Variants in PRDM15 observed in about 807,000 individuals in gnomAD.
PRDM15 encodes PR domain zinc finger protein 15.
A neutral mutation model predicts 128.6 loss-of-function variants in PRDM15; 64 were observed. That is an observed-to-expected ratio of 0.50 (90% CI 0.41 to 0.61). The LOEUF is 0.61. PRDM15 is among the 20% of genes least tolerant of loss of function. The pLI is 0.00. For synonymous variants in PRDM15, 615 were observed against 621.8 expected (o/e 0.99, Z 0.16); for missense variants, 1,242 against 1,569.1 (o/e 0.79, Z 3.52).
chr21:41,866,675 G>A (rs965301963), intron 1 of PRDM15, among the ~76,000 whole-genome samples: 2 of 152,198 alleles, frequency 1.3e-5, no homozygotes, highest in East Asian at 1.9e-4. Context: ...CAAACAAAAC[G>A]AAGTCCATTT....
intron 5 of PRDM15, among the ~76,000 whole-genome samples, chr21:41,850,999 A>C (rs116689093): frequency 8.8e-4 from 134 of 152,244 alleles, no homozygotes; most frequent in African/African-American, 2.9e-3. Context: ...GGCCACCACA[A>C]TAAGTAATTT....
At chr21:41,836,359 C>G in intron 9 of PRDM15, 109 bp downstream of exon 9, 1 of 1,335,180 alleles carries the variant, frequency 7.5e-7, no homozygotes, top group Admixed American at 2.0e-5. Flanking sequence ...CTCTCACTGG[C>G]GCAGCTCGTG....
At chr21:41,827,297 T>TA (rs955397694) in intron 12 of PRDM15, among the ~76,000 whole-genome samples, 8 of 152,316 alleles carry the variant, frequency 5.3e-5, no homozygotes, top group South Asian at 2.1e-4. Context: ...CTTGTTTTTT[T>TA]AAAAAAGGGA....
rs775208509 is a variant in PRDM15, at chr21:41,821,272, G to A, written c.1897-42C>T. ...CAGGGCACTGCTGACACCCGCATGA[G>A]GTCCCTGGTCCTCTTAGCTAATGAG... On this transcript the variant is annotated intron_variant, in intron 15 of 23. Coordinates refer to ENST00000398548, the MANE Select transcript of PRDM15 (RefSeq NM_001040424.3). The surrounding 1 kb of genome is among the most constrained non-coding windows in gnomAD (Gnocchi z 5.4). The A allele has an allele frequency of 9.9e-6, 16 of 1,610,596 alleles. No homozygotes were observed. The highest frequency in any genetic ancestry group is 1.1e-5 in the Non-Finnish European group (13 of 1,178,364).
At chr21:41,863,720 T>C (rs897858707) in intron 1 of PRDM15, among the ~76,000 whole-genome samples, 4 of 152,208 alleles carry the variant, frequency 2.6e-5, no homozygotes, top group African/African-American at 7.2e-5. Context: ...AGACTCAGTC[T>C]ACCTGACTTC....
chr21:41,834,024 A>G (rs1030890256), intron 11 of PRDM15, among the ~76,000 whole-genome samples: 4 of 152,222 alleles, frequency 2.6e-5, no homozygotes, highest in African/African-American at 9.6e-5. Context: ...GGAAGTCTTC[A>G]GGGGACTGTG....
chr21:41,834,482 C>A (rs542138058), intron 11 of PRDM15: 3 of 1,547,070 alleles, frequency 1.9e-6, no homozygotes, highest in East Asian at 2.4e-5. Flanking sequence ...CGGACAAGGA[C>A]GGGGTGGGCG....
At chr21:41,817,129 A>G (rs2062081282) in intron 18 of PRDM15, among the ~76,000 whole-genome samples, 1 of 152,230 alleles carries the variant, frequency 6.6e-6, no homozygotes, top group Non-Finnish European at 1.5e-5. Flanking sequence ...AACAGTTTCA[A>G]AATAAACACA....
chr21:41,810,758 T>C lies in PRDM15; in HGVS notation c.2471A>G (p.His824Arg), dbSNP rs1433673968. 1 of 1,613,748 alleles carries C rather than the reference T, an allele frequency of 6.2e-7. No individual in the cohort carries two copies. The change falls in exon 20 of 24, where the codon CAC becomes CGC. Residue 824 changes from histidine (H) to arginine (R), a missense_variant. By Grantham distance (29) the His-to-Arg change is conservative. Coordinates refer to ENST00000398548, the MANE Select transcript of PRDM15 (RefSeq NM_001040424.3). The surrounding 1 kb of genome is among the most constrained non-coding windows in gnomAD (Gnocchi z 6.4). ...RNTMETHKLI[H>R]TVGKQWTCSV... ...CTTCAGGCTGCGCCGCTCACCTGTG[T>C]GGATGAGCTTGTGGGTCTCCATGGT...
chr21:41,832,484 C>T lies in PRDM15; in HGVS notation c.1366+2953G>A, dbSNP rs954444505. On this transcript the variant is annotated intron_variant, in intron 11 of 23. Transcript: ENST00000398548. This position sits in a 1 kb window ranked among gnomAD's most constrained non-coding sequence, Gnocchi z 4.2. The stretch of plus-strand genomic sequence containing the variant: ...TGGCATCAGATCACCACAGGCCACA[C>T]CTTTACAGTGCTGTGGCAACGGATC... Among the ~76,000 whole-genome samples, 1 of 152,088 alleles carries T rather than the reference C, an allele frequency of 6.6e-6. No homozygotes were observed. Among genetic ancestry groups the T allele is most frequent in the African/African-American group, 2.4e-5 (1 of 41,408 alleles).
chr21:41,835,935 G>GCCCGC (rs2146574699), intron 10 of PRDM15, among the ~76,000 whole-genome samples, 178 bp downstream of exon 10: 1 of 26,538 alleles, frequency 3.8e-5, no homozygotes, highest in East Asian at 6.2e-4. Flanking sequence ...CCCCCACAGG[G>GCCCGC]TTTGGCCGCT....
At position 41,879,134 on chromosome 21, in the gene PRDM15, C is replaced by A. The variant is rs1353310927; in HGVS notation, c.-10+136G>T. 1 of 1,012,694 alleles carries A rather than the reference C, an allele frequency of 9.9e-7. No homozygotes were observed. Among genetic ancestry groups the A allele is most frequent in the Non-Finnish European group, 1.2e-6 (1 of 836,080 alleles). 62.7% of individuals were successfully genotyped at this position (1,012,694 alleles called of 1,614,324 possible). ...CGGCATGGCGGCTGGACCGGGGCGG[C>A]GCGCGGCTGCCGGGCGCGGGGGGCG... On this transcript the variant is annotated intron_variant, in intron 1 of 23. Transcript: ENST00000398548. This position sits in a 1 kb window ranked among gnomAD's most constrained non-coding sequence, Gnocchi z 5.1.
chr21:41,847,355 G>T (rs2063298633), intron 5 of PRDM15, among the ~76,000 whole-genome samples, 164 bp from the exon 6 acceptor site: 1 of 152,140 alleles, frequency 6.6e-6, no homozygotes, highest in South Asian at 2.1e-4. Context: ...ACCATTTTCA[G>T]AGCTTTACAC....
chr21:41,862,089 C>T lies in PRDM15; in HGVS notation c.-9-1717G>A. The T allele has an allele frequency of 3.0e-6, 3 of 1,003,284 alleles. No homozygotes were observed. The highest frequency in any genetic ancestry group is 3.1e-6 in the Non-Finnish European group (2 of 644,472). The allele number at this position is 1,003,284 out of a possible 1,614,324, so 62.1% of individuals were successfully genotyped here. A position where few individuals can be genotyped will look rare whatever the true frequency, so the allele number is the denominator to read the frequency against. On this transcript the variant is annotated intron_variant, in intron 1 of 23. Transcript: ENST00000398548. This position sits in a 1 kb window ranked among gnomAD's most constrained non-coding sequence, Gnocchi z 4.1. ...GGCAGTGAGCAGGAGATGAACAGGACAAAGGGCAGAAGAAACCCAGAGTGG... is the reference window on the plus strand; with the variant it reads ...GGCAGTGAGCAGGAGATGAACAGGATAAAGGGCAGAAGAAACCCAGAGTGG...
intron 1 of PRDM15, among the ~76,000 whole-genome samples, chr21:41,875,843 C>T (rs1321177508): frequency 6.6e-6 from 1 of 152,208 alleles, no homozygotes; most frequent in African/African-American, 2.4e-5. Flanking sequence ...CCGCAGTACA[C>T]TCGTGTGTAG....
intron 12 of PRDM15, among the ~76,000 whole-genome samples, chr21:41,826,703 G>A (rs530147677): frequency 6.6e-6 from 1 of 152,176 alleles, no homozygotes. Flanking sequence ...CTGGCCAGGT[G>A]TAAGTGCAGA....
chr21:41,866,951 C>T (rs1191362871), intron 1 of PRDM15, among the ~76,000 whole-genome samples: 1 of 152,144 alleles, frequency 6.6e-6, no homozygotes, highest in African/African-American at 2.4e-5. Flanking sequence ...CTTCTCAGTA[C>T]AAACAGGGAA....
rs748700445 is a variant in PRDM15 at position 41,801,255 on chromosome 21, C to A, written c.3411G>T (p.Gln1137His). 5.3e-6 allele frequency: 8 copies of A among 1,512,862 alleles called. No individual in the cohort carries two copies. Among genetic ancestry groups the A allele is most frequent in the South Asian group, 1.3e-5 (1 of 75,608 alleles). 93.7% of individuals were successfully genotyped at this position (1,512,862 alleles called of 1,614,324 possible). A position where few individuals can be genotyped will look rare whatever the true frequency, so the allele number is the denominator to read the frequency against. ...PQVQAEQQQQQMYSY is the reference protein window; with the variant it reads ...PQVQAEQQQQHMYSY ...GGAACGCAGCTCAGTAGCTGTACATCTGCTGCTGCTGCTGCTCCGCCTGCA... is the reference window on the plus strand; with the variant it reads ...GGAACGCAGCTCAGTAGCTGTACATATGCTGCTGCTGCTGCTCCGCCTGCA... The change falls in exon 24 of 24, where the codon CAG becomes CAT. Residue 1137 changes from glutamine to histidine, a missense_variant. Physicochemically the swap from Gln to His is conservative, Grantham distance 24. This residue lies in a region of PRDM15 where 602 missense variants were observed against 788.3 expected (regional missense o/e 0.76). Transcript: ENST00000398548.
intron 21 of PRDM15, among the ~76,000 whole-genome samples, chr21:41,809,010 G>A (rs28440771): frequency 6.6e-6 from 1 of 152,110 alleles, no homozygotes; most frequent in Non-Finnish European, 1.5e-5. Flanking sequence ...GCCCCCGCAA[G>A]AGGCGAAGGA....
Sources: allele counts gnomAD v4.1 joint callset (sites outside exome capture counted in the v4.1 genomes callset), GRCh38; gene constraint gnomAD v4.1.1; regional missense constraint gnomAD v4.1.1; non-coding constraint Gnocchi (gnomAD v3.1); transcripts MANE v1.5; gene names NCBI Gene and HGNC (gene_info 2026-07-23, HGNC 2026-07-21).